STK39: variants seen among roughly 807,000 people sequenced by gnomAD.
The protein encoded by STK39 is serine/threonine kinase 39.
In STK39, 20 loss-of-function variants were observed where a neutral mutation model predicts 77.8. The ratio of observed to expected loss-of-function variants is 0.26; its 90% CI spans 0.18 to 0.37. The LOEUF (loss-of-function observed/expected upper bound fraction) is 0.37, where lower values mean the gene tolerates loss of function less well. Among genes scored for constraint, STK39 ranks in the 10% least tolerant of loss-of-function variants. STK39 has a pLI of 1.00. For synonymous variants in STK39, 246 were observed against 234.1 expected, an observed-to-expected ratio of 1.05 and a Z score of -0.47; for missense variants, 479 against 656.5, an observed-to-expected ratio of 0.73 and a Z score of 2.95.
chr2:168,091,782 T>A (rs1013986116), intron 10 of STK39, among the ~76,000 whole-genome samples: 4 of 152,210 alleles, frequency 2.6e-5, no homozygotes, highest in Non-Finnish European at 5.9e-5. Flanking sequence ...ATTTTGCCAA[T>A]CTGATTTTAT....
chr2:168,121,801 C>T (rs1417273353), intron 10 of STK39, among the ~76,000 whole-genome samples: 1 of 152,198 alleles, frequency 6.6e-6, no homozygotes, highest in Non-Finnish European at 1.5e-5. Flanking sequence ...ATGTGTCAAA[C>T]ACGGCACCAG....
chr2:167,964,454 G>C, intron 17 of STK39: 2 of 514,144 alleles, frequency 3.9e-6, no homozygotes, highest in East Asian at 3.5e-5. Flanking sequence ...ATAAGAAAAA[G>C]CTATGCTCAT....
chr2:167,956,891 A>G (rs1668767738), intron 17 of STK39, among the ~76,000 whole-genome samples: 1 of 152,172 alleles, frequency 6.6e-6, no homozygotes. Context: ...AAACCTTTTC[A>G]GAGCCTAATT....
chr2:167,955,405 G>T lies in STK39; in HGVS notation c.*91C>A. On this transcript the variant is annotated 3_prime_UTR_variant, in exon 18 of 18. Coordinates refer to ENST00000355999, the MANE Select transcript of STK39 (RefSeq NM_013233.3). ...TTTGCTAGGAAATGGGAGTGAGGGGGTGGGAGGAAATGGGCAGAAAGAGGG... is the reference window on the plus strand; with the variant it reads ...TTTGCTAGGAAATGGGAGTGAGGGGTTGGGAGGAAATGGGCAGAAAGAGGG... The T allele has an allele frequency of 1.6e-6, 2 of 1,253,808 alleles. No homozygotes were observed. Among genetic ancestry groups the T allele is most frequent in the Non-Finnish European group, 1.1e-6 (1 of 883,174 alleles). The allele number at this position is 1,253,808 out of a possible 1,614,324, so 77.7% of individuals were successfully genotyped here.
chr2:168,204,886 G>C (rs1689702096), intron 1 of STK39, among the ~76,000 whole-genome samples: 1 of 152,164 alleles, frequency 6.6e-6, no homozygotes, highest in African/African-American at 2.4e-5. Context: ...CAAGTTCCCT[G>C]GGCTGTCAGT....
intron 10 of STK39, among the ~76,000 whole-genome samples, chr2:168,115,185 G>GA (rs1433007904): frequency 4.6e-5 from 7 of 151,818 alleles, no homozygotes; most frequent in South Asian, 4.2e-4. Flanking sequence ...GTAGATCTAG[G>GA]AAAAAAAATG....
At chr2:167,976,851 TG>T (rs1452660580) in intron 16 of STK39, among the ~76,000 whole-genome samples, 1 of 152,212 alleles carries the variant, frequency 6.6e-6, no homozygotes, top group Non-Finnish European at 1.5e-5. Context: ...CTGTGTGGCA[TG>T]GCCAGCCTCA....
At chr2:168,105,763 G>A (rs1686954361) in intron 10 of STK39, among the ~76,000 whole-genome samples, 1 of 152,192 alleles carries the variant, frequency 6.6e-6, no homozygotes, top group Admixed American at 6.5e-5. Flanking sequence ...AAGACCTTGT[G>A]TGAAAAATGA....
chr2:168,030,329 T>C (rs11683507), intron 14 of STK39, among the ~76,000 whole-genome samples: 115,274 of 152,062 alleles, frequency 0.76, 43,882 homozygotes, highest in African/African-American at 0.78. Context: ...ATGTGTGTGA[T>C]TAATCAAGTG....
At chr2:167,960,099 G>A (rs1344381066) in intron 17 of STK39, among the ~76,000 whole-genome samples, 1 of 152,162 alleles carries the variant, frequency 6.6e-6, no homozygotes, top group Non-Finnish European at 1.5e-5. Flanking sequence ...GATGCAGGAA[G>A]GGCCCTCTGA....
intron 4 of STK39, 66 bp from the exon 5 acceptor site, chr2:168,161,908 G>C: frequency 8.2e-7 from 1 of 1,222,614 alleles, no homozygotes; most frequent in Non-Finnish European, 1.2e-6. Flanking sequence ...GATTCACTCA[G>C]GAAGATTTTA....
chr2:168,234,003 CAAG>C (rs143371533), intron 1 of STK39, among the ~76,000 whole-genome samples: 4,506 of 152,250 alleles, frequency 0.03, 133 homozygotes, highest in African/African-American at 0.08. Context: ...TCACCACACA[CAAG>C]AATACTCTTC....
At chr2:168,243,705 C>T (rs544370852) in intron 1 of STK39, among the ~76,000 whole-genome samples, 1 of 152,200 alleles carries the variant, frequency 6.6e-6, no homozygotes, top group Non-Finnish European at 1.5e-5. Context: ...GACTACAATT[C>T]TTTGAATGAG....
At chr2:168,027,841 T>C (rs1277601592) in intron 14 of STK39, among the ~76,000 whole-genome samples, 3 of 152,152 alleles carry the variant, frequency 2.0e-5, no homozygotes, top group East Asian at 3.9e-4. Context: ...TCTGGCTGCA[T>C]AGGATTTCAC....
intron 1 of STK39, among the ~76,000 whole-genome samples, chr2:168,191,577 C>T (rs13426907): frequency 0.44 from 66,623 of 151,804 alleles, 16,885 homozygotes; most frequent in East Asian, 0.77. Context: ...ATCCAACCTA[C>T]TGAATCACAA....
chr2:168,159,901 G>C (rs936474437), intron 5 of STK39, among the ~76,000 whole-genome samples: 7 of 152,180 alleles, frequency 4.6e-5, no homozygotes, highest in Admixed American at 3.3e-4. Flanking sequence ...CTGTGCAGGG[G>C]CTTCCTGCCT....
chr2:168,140,704 A>G lies in STK39; in HGVS notation c.683T>C (p.Val228Ala), dbSNP rs2105531396. The stretch of plus-strand genomic sequence containing the variant: ...TGGGGTGCCAACGAATGTTTTTCTT[A>G]CTTTATTTCGGGTAACATCACCCCC... ...ATGGDVTRNKVRKTFVGTPCW... is the reference protein window; with the variant it reads ...ATGGDVTRNKARKTFVGTPCW... The change falls in exon 6 of 18, where the codon GTA (valine) becomes GCA (alanine). Residue 228 changes from valine to alanine, a missense_variant. By Grantham distance (64) the Val-to-Ala change is moderately conservative. Transcript: ENST00000355999. 1 of 1,611,514 alleles carries G rather than the reference A, an allele frequency of 6.2e-7. No individual in the cohort carries two copies. The highest frequency in any genetic ancestry group is 1.1e-5 in the South Asian group (1 of 90,872).
intron 15 of STK39, among the ~76,000 whole-genome samples, chr2:168,016,535 A>AG (rs1298574728): frequency 6.6e-6 from 1 of 152,146 alleles, no homozygotes; most frequent in Non-Finnish European, 1.5e-5. Context: ...ATAACCGCAG[A>AG]GGGGGTCAAA....
intron 2 of STK39, among the ~76,000 whole-genome samples, chr2:168,179,454 T>TC (rs77096701): frequency 0.16 from 24,163 of 151,100 alleles, 2,347 homozygotes; most frequent in African/African-American, 0.27. Flanking sequence ...CATAGCCATT[T>TC]CCCCCCTCTC....
Sources: gnomAD v4.1 joint callset for allele counts (sites outside exome capture counted in the v4.1 genomes callset) on GRCh38, gnomAD v4.1.1 for gene constraint, MANE v1.5 for transcripts, NCBI Gene and HGNC (gene_info 2026-07-23, HGNC 2026-07-21) for gene names.